Variants in OTOGL observed in about 807,000 individuals in gnomAD.
OTOGL encodes the protein otogelin-like protein.
A neutral mutation model predicts 318.5 loss-of-function variants in OTOGL; 285 were observed. The ratio of observed to expected loss-of-function variants is 0.89; its 90% confidence interval spans 0.81 to 0.99. The LOEUF is 0.99. Ranked by LOEUF, OTOGL falls within the 50% of genes least tolerant of loss-of-function variation. The pLI, the probability that OTOGL is intolerant of heterozygous loss-of-function variation, is 0.00. For missense variants in OTOGL, 2,899 were observed against 2,845.6 expected (o/e 1.02, Z -0.43); for synonymous variants, 987 against 936.5 (o/e 1.05, Z -0.99).
intron 1 of OTOGL, among the ~76,000 whole-genome samples, chr12:80,125,153 A>C (rs1162632191): frequency 1.3e-5 from 2 of 152,234 alleles, no homozygotes; most frequent in Admixed American, 1.3e-4. Flanking sequence ...CTGCCCATTC[A>C]GTATGATATT....
chr12:80,223,117 G>A (rs1038100441), intron 7 of OTOGL, among the ~76,000 whole-genome samples: 2 of 151,810 alleles, frequency 1.3e-5, no homozygotes, highest in African/African-American at 4.8e-5. Flanking sequence ...TCCCACTTAC[G>A]AGTGAGAACA....
In OTOGL at chr12:80,139,258, C is replaced by T. The variant is rs1354974479; in HGVS notation, c.-20+39653C>T. 5.3e-5 allele frequency among the ~76,000 whole-genome samples: 8 copies of T among 152,040 alleles called. No homozygotes were observed. The East Asian group carries it at 1.3e-3, about 26-fold the overall frequency. ...AGGATCTTGGGAGTTATTCCTGGAC[C>T]CTCTGTGCAAAGTTTACTAAGTTAG... On this transcript the variant is annotated intron_variant, in intron 1 of 58. Coordinates refer to ENST00000547103, the MANE Select transcript of OTOGL (RefSeq NM_001378609.3).
At chr12:80,308,362 C>T (rs1016604798) in intron 29 of OTOGL, among the ~76,000 whole-genome samples, 8 of 151,816 alleles carry the variant, frequency 5.3e-5, no homozygotes, top group African/African-American at 1.9e-4. Context: ...TCCTCACATC[C>T]CGGACGGGGC....
At chr12:80,341,148 G>A (rs1258159417) in intron 43 of OTOGL, among the ~76,000 whole-genome samples, 5 of 152,084 alleles carry the variant, frequency 3.3e-5, no homozygotes, top group Non-Finnish European at 7.4e-5. Flanking sequence ...GGTAAGGTAT[G>A]ATTGTAGGCC....
At chr12:80,298,853 CTCTTGAA>C (rs1236921094) in intron 27 of OTOGL, among the ~76,000 whole-genome samples, 1 of 152,124 alleles carries the variant, frequency 6.6e-6, no homozygotes, top group Non-Finnish European at 1.5e-5. Context: ...ACTATGGAGG[CTCTTGAA>C]TGGTACAAGA....
At chr12:80,264,110 G>A (rs1248196088) in intron 19 of OTOGL, among the ~76,000 whole-genome samples, 1 of 151,942 alleles carries the variant, frequency 6.6e-6, no homozygotes, top group African/African-American at 2.4e-5. Flanking sequence ...AGCTTATCTG[G>A]TCTGTAAAAG....
At chr12:80,261,148 A>C (rs1309447059) in intron 18 of OTOGL, among the ~76,000 whole-genome samples, 1 of 152,158 alleles carries the variant, frequency 6.6e-6, no homozygotes, top group Non-Finnish European at 1.5e-5. Flanking sequence ...GAGAAAGCTG[A>C]GATAATGCCT....
chr12:80,220,236 T>A (rs1432072680), intron 6 of OTOGL, among the ~76,000 whole-genome samples: 1 of 152,164 alleles, frequency 6.6e-6, no homozygotes, highest in Non-Finnish European at 1.5e-5. Flanking sequence ...CTTGGCTGAC[T>A]GCAATCTCTG....
At position 80,238,836 on chromosome 12, in the gene OTOGL, G is replaced by A; in HGVS notation, c.818-15G>A. On this transcript the variant is annotated splice_polypyrimidine_tract_variant and intron_variant, in intron 9 of 58. Transcript: ENST00000547103. ...CCTATTTGTGTGTGTGTGTGTGTGTGCCTGTGTGAAATAGAGGACTATACA... is the reference window on the plus strand; with the variant it reads ...CCTATTTGTGTGTGTGTGTGTGTGTACCTGTGTGAAATAGAGGACTATACA... 2 of 1,519,762 alleles carry A rather than the reference G, an allele frequency of 1.3e-6. No homozygotes were observed. Among genetic ancestry groups the A allele is most frequent in the Non-Finnish European group, 1.8e-6 (2 of 1,139,368 alleles). 94.1% of individuals were successfully genotyped at this position (1,519,762 alleles called of 1,614,324 possible).
In OTOGL at chr12:80,302,793, C is replaced by A; in HGVS notation, c.3213+10C>A. ...TGGGCCACAGTGGAAGGTAGGTCAA[C>A]CTAAGCTCCAAATGAGATGTAATGA... On this transcript the variant is annotated intron_variant, in intron 28 of 58. Coordinates refer to ENST00000547103, the MANE Select transcript of OTOGL (RefSeq NM_001378609.3). The A allele has an allele frequency of 6.9e-7, 1 of 1,455,046 alleles. No homozygotes were observed. The highest frequency in any genetic ancestry group is 1.5e-5 in the South Asian group (1 of 66,996). 90.1% of individuals were successfully genotyped at this position (1,455,046 alleles called of 1,614,324 possible).
At chr12:80,243,132 T>C (rs1880524878) in intron 11 of OTOGL, among the ~76,000 whole-genome samples, 1 of 152,048 alleles carries the variant, frequency 6.6e-6, no homozygotes, top group Non-Finnish European at 1.5e-5. Context: ...CACATTGTAG[T>C]CAAATTTCTA....
intron 1 of OTOGL, among the ~76,000 whole-genome samples, chr12:80,146,539 C>T (rs541013566): frequency 8.2e-4 from 123 of 150,806 alleles, no homozygotes; most frequent in African/African-American, 3.0e-3. Context: ...TGTGTCTCTG[C>T]CAGGCTTTGG....
intron 1 of OTOGL, among the ~76,000 whole-genome samples, chr12:80,155,418 T>C (rs1873050591): frequency 6.6e-6 from 1 of 152,222 alleles, no homozygotes; most frequent in Non-Finnish European, 1.5e-5. Flanking sequence ...TTTTATGGTT[T>C]CCCATTTTAC....
At chr12:80,346,428 A>G (rs1889201680) in intron 44 of OTOGL, among the ~76,000 whole-genome samples, 1 of 152,170 alleles carries the variant, frequency 6.6e-6, no homozygotes, top group South Asian at 2.1e-4. Flanking sequence ...TTTGCTCAAT[A>G]GATCTGTATG....
intron 43 of OTOGL, among the ~76,000 whole-genome samples, chr12:80,340,837 T>C (rs573389869): frequency 6.6e-6 from 1 of 152,202 alleles, no homozygotes; most frequent in South Asian, 2.1e-4. Flanking sequence ...GAGTGGTGAC[T>C]GAAGTTGCAG....
At chr12:80,142,814 T>C (rs7310137) in intron 1 of OTOGL, among the ~76,000 whole-genome samples, 3,781 of 152,040 alleles carry the variant, frequency 0.025, 158 homozygotes, top group African/African-American at 0.087. Context: ...TAGAGGTGAA[T>C]GAGGAGGGGA....
At chr12:80,107,070 C>A (rs921863426) in intron 1 of OTOGL, among the ~76,000 whole-genome samples, 1 of 152,054 alleles carries the variant, frequency 6.6e-6, no homozygotes, top group South Asian at 2.1e-4. Context: ...ATTGACTGGG[C>A]TTGCTCAGGT....
At chr12:80,328,263 G>A (rs913685372) in intron 35 of OTOGL, among the ~76,000 whole-genome samples, 5 of 151,946 alleles carry the variant, frequency 3.3e-5, no homozygotes, top group Non-Finnish European at 7.4e-5. Context: ...AGGCTGCAGT[G>A]AACCAAGGTC....
chr12:80,198,352 C>T (rs980298296), intron 1 of OTOGL, among the ~76,000 whole-genome samples: 7 of 152,080 alleles, frequency 4.6e-5, no homozygotes, highest in South Asian at 2.1e-4. Flanking sequence ...TTTGGGGGGC[C>T]GAGGCAGGCG....
Sources: allele counts gnomAD v4.1 joint callset (sites outside exome capture counted in the v4.1 genomes callset), GRCh38; gene constraint gnomAD v4.1.1; transcripts MANE v1.5; gene names NCBI Gene and HGNC (gene_info 2026-07-23, HGNC 2026-07-21).